The following ARHGEF3 variants were observed in gnomAD, a reference collection of about 807,000 sequenced individuals.
ARHGEF3 encodes 59.8 kDA protein.
In ARHGEF3, 28 loss-of-function variants were observed where a neutral mutation model predicts 63.2. The observed-to-expected ratio is 0.44, with a 90% CI of 0.33 to 0.61. The LOEUF (loss-of-function observed/expected upper bound fraction) is 0.61. Among genes scored for constraint, ARHGEF3 ranks in the 20% least tolerant of loss-of-function variants. The probability of loss-of-function intolerance (pLI) is 0.03; values close to 1 mark genes in which losing one functional copy is unlikely to be tolerated. For synonymous variants in ARHGEF3, 266 were observed against 254.2 expected (o/e 1.05, Z -0.44); for missense variants, 533 against 659.3 (o/e 0.81, Z 2.10).
At chr3:56,888,913 C>A (rs1486096550) in intron 3 of ARHGEF3, among the ~76,000 whole-genome samples, 2 of 148,980 alleles carry the variant, frequency 1.3e-5, no homozygotes, top group African/African-American at 4.9e-5. Context: ...CAAAAAAAAA[C>A]AAAAACAAAA....
chr3:56,805,126 G>A (rs552024086), upstream of ARHGEF3, among the ~76,000 whole-genome samples: 114 of 152,306 alleles, frequency 7.5e-4, 1 homozygote, highest in Non-Finnish European at 1.2e-3. Flanking sequence ...TCACCCTGGC[G>A]ACGTCTGATA....
At chr3:56,885,012 A>C (rs566638158) in intron 3 of ARHGEF3, among the ~76,000 whole-genome samples, 24 of 152,202 alleles carry the variant, frequency 1.6e-4, no homozygotes, top group Non-Finnish European at 3.1e-4. Flanking sequence ...GTTGGTGGCA[A>C]ATAGGTTACA....
intron 2 of ARHGEF3, among the ~76,000 whole-genome samples, chr3:56,973,862 C>T (rs918451203): frequency 3.3e-5 from 5 of 152,186 alleles, no homozygotes; most frequent in Admixed American, 6.5e-5. Flanking sequence ...GTCAGTCCAC[C>T]GAAGTCATTA....
chr3:56,887,551 A>G (rs1267707445), intron 3 of ARHGEF3, among the ~76,000 whole-genome samples: 1 of 152,226 alleles, frequency 6.6e-6, no homozygotes, highest in Non-Finnish European at 1.5e-5. Flanking sequence ...AATTGCCCAC[A>G]GGAAGTAAAA....
intron 4 of ARHGEF3, among the ~76,000 whole-genome samples, chr3:56,824,608 A>G (rs182906815): frequency 6.6e-6 from 1 of 152,332 alleles, no homozygotes; most frequent in East Asian, 1.9e-4. Flanking sequence ...ACACACTAGT[A>G]TATAATTACC....
chr3:57,062,151 G>A (rs769516032), intron 1 of ARHGEF3, among the ~76,000 whole-genome samples: 2 of 111,920 alleles, frequency 1.8e-5, no homozygotes, highest in Non-Finnish European at 3.7e-5. Context: ...GGGATTTGTA[G>A]GAAGATCCCT....
intron 2 of ARHGEF3, among the ~76,000 whole-genome samples, chr3:57,002,979 G>A: frequency 6.6e-6 from 1 of 150,966 alleles, no homozygotes; most frequent in Non-Finnish European, 1.5e-5. Flanking sequence ...TCATCATGTT[G>A]GCCAGGCTCC....
At chr3:56,843,007 A>G (rs973467089) in intron 4 of ARHGEF3, among the ~76,000 whole-genome samples, 10 of 152,222 alleles carry the variant, frequency 6.6e-5, no homozygotes, top group Non-Finnish European at 1.0e-4. Context: ...TTATACAAGT[A>G]ACACATGAAT....
Position 56,980,173 on chromosome 3 carries a change from G to A in ARHGEF3, c.63-21284C>T, listed in dbSNP as rs577019328. ...CTTACCCTACAAATCCAATAAGTAA[G>A]GCAGTAGCAAGAAGACTTGCTTATG... On this transcript the variant is annotated intron_variant, in intron 2 of 12. Coordinates refer to the ARHGEF3 transcript ENST00000338458. 1.5e-3 allele frequency among the ~76,000 whole-genome samples: 226 copies of A among 152,300 alleles called. 1 individual carries two copies. The highest frequency in any genetic ancestry group is 6.8e-3 in the Middle Eastern group (2 of 294).
intron 1 of ARHGEF3, chr3:56,775,553 T>A: frequency 1.0e-6 from 1 of 986,182 alleles, no homozygotes; most frequent in African/African-American, 1.7e-5. Context: ...CTCAGAACAC[T>A]AGGAAGGCTC....
At chr3:56,800,608 G>A (rs1281772688) in intron 1 of ARHGEF3, among the ~76,000 whole-genome samples, 2 of 152,236 alleles carry the variant, frequency 1.3e-5, no homozygotes, top group African/African-American at 4.8e-5. Context: ...ACATGATTCA[G>A]TGAGCCAAGT....
chr3:56,820,014 T>C (rs1365033977), intron 4 of ARHGEF3, among the ~76,000 whole-genome samples: 1 of 152,152 alleles, frequency 6.6e-6, no homozygotes, highest in East Asian at 1.9e-4. Context: ...TTCACTATGT[T>C]GCCCAGGTTG....
In ARHGEF3 at chr3:56,842,035, T is replaced by C. The variant is rs1247533917; in HGVS notation, c.192+40257A>G. ...GCTTAAGTAATTCTGAAAAATGCCA[T>C]ATGAAGTAGGAACTACTAGTAAGTC... On this transcript the variant is annotated intron_variant, in intron 4 of 12. Transcript: ENST00000338458. 3.9e-5 allele frequency among the ~76,000 whole-genome samples: 6 copies of C among 152,290 alleles called. No individual in the cohort carries two copies. The East Asian group carries it at 9.6e-4, about 24-fold the overall frequency.
chr3:56,968,317 A>ATG (rs1418621529), intron 2 of ARHGEF3, among the ~76,000 whole-genome samples: 4 of 59,602 alleles, frequency 6.7e-5, no homozygotes, highest in Non-Finnish European at 1.3e-4. Flanking sequence ...TATATAAAAT[A>ATG]TATTTTATAT....
chr3:56,986,774 G>A (rs1237570813), intron 2 of ARHGEF3, among the ~76,000 whole-genome samples: 7 of 151,424 alleles, frequency 4.6e-5, no homozygotes, highest in African/African-American at 1.2e-4. Flanking sequence ...GGAAAGAAGT[G>A]GGGGCAGAAA....
intron 3 of ARHGEF3, among the ~76,000 whole-genome samples, chr3:56,920,292 T>C (rs2042092094): frequency 6.6e-6 from 1 of 152,174 alleles, no homozygotes; most frequent in South Asian, 2.1e-4. Context: ...ACCAAACTGG[T>C]AACAACCCCT....
At chr3:56,739,321 A>T (rs1208297414) in intron 7 of ARHGEF3, among the ~76,000 whole-genome samples, 1 of 152,136 alleles carries the variant, frequency 6.6e-6, no homozygotes, top group Non-Finnish European at 1.5e-5. Context: ...GCCTTTGCGC[A>T]GTCAGAAGTT....
chr3:56,935,333 A>C (rs1235084665), intron 3 of ARHGEF3, among the ~76,000 whole-genome samples: 1 of 152,166 alleles, frequency 6.6e-6, no homozygotes, highest in Non-Finnish European at 1.5e-5. Context: ...GCCCTGTCAA[A>C]ACAGACCACT....
chr3:56,989,148 C>T (rs7640621), intron 2 of ARHGEF3, among the ~76,000 whole-genome samples: 2,962 of 152,190 alleles, frequency 0.019, 91 homozygotes, highest in African/African-American at 0.065. Context: ...GCTCCAGCTC[C>T]GCTGCCGGGT....
Sources: gnomAD v4.1 joint callset for allele counts (sites outside exome capture counted in the v4.1 genomes callset) on GRCh38, gnomAD v4.1.1 for gene constraint, MANE v1.5 for transcripts, NCBI Gene and HGNC (gene_info 2026-07-23, HGNC 2026-07-21) for gene names.